ATXN10: variants seen among roughly 807,000 people sequenced by gnomAD.
The protein encoded by ATXN10 is ataxin-10.
Under a neutral mutation model 52.9 loss-of-function variants are expected in ATXN10, and 28 were observed. The observed-to-expected ratio is 0.53, with a 90% CI of 0.39 to 0.73. The LOEUF is 0.73. ATXN10 is among the 30% of genes least tolerant of loss of function. The pLI is 0.00. For missense variants in ATXN10, 565 were observed against 577.0 expected, an observed-to-expected ratio of 0.98 and a Z score of 0.21; for synonymous variants, 226 against 221.5, an observed-to-expected ratio of 1.02 and a Z score of -0.18.
At position 45,755,016 on chromosome 22, in the gene ATXN10, A is replaced by G. The variant is rs531821672; in HGVS notation, c.1173+14478A>G. Reference sequence around the variant, plus strand: ...CAGGACTGACTGGCTGTCTCTCACAAGCCAGCATCCTGGTGCTCAGGAAAG... The same window carrying G: ...CAGGACTGACTGGCTGTCTCTCACAGGCCAGCATCCTGGTGCTCAGGAAAG... On this transcript the variant is annotated intron_variant, in intron 9 of 11. Coordinates refer to ENST00000252934, the MANE Select transcript of ATXN10 (RefSeq NM_013236.4). Among the ~76,000 whole-genome samples, 27 of 152,334 alleles carry G rather than the reference A, an allele frequency of 1.8e-4. No homozygotes were observed. The South Asian group carries it at 5.6e-3, about 32-fold the overall frequency.
Position 45,757,100 on chromosome 22 carries a change from C to T in ATXN10, c.1173+16562C>T, listed in dbSNP as rs76187801. On this transcript the variant is annotated intron_variant, in intron 9 of 11. Coordinates refer to ENST00000252934, the MANE Select transcript of ATXN10 (RefSeq NM_013236.4). The surrounding 1 kb of genome is among the most constrained non-coding windows in gnomAD (Gnocchi z 4.6). Reference sequence around the variant, plus strand: ...GCGGAGGAATGGCTTTGGTCTGCACCTGCAGCTCTGGACGGACTGCCTGGG... The same window carrying T: ...GCGGAGGAATGGCTTTGGTCTGCACTTGCAGCTCTGGACGGACTGCCTGGG... Among the ~76,000 whole-genome samples the T allele has an allele frequency of 0.08, 12,243 of 152,174 alleles. 654 individuals are homozygous for T. The highest frequency in any genetic ancestry group is 0.15 in the Middle Eastern group (45 of 294).
rs994013424 is a variant in ATXN10, at chr22:45,671,920, A to AGCG, written c.-133_-131dup. 25 of 851,200 alleles carry AGCG rather than the reference A, an allele frequency of 2.9e-5. No homozygotes were observed. Among genetic ancestry groups the AGCG allele is most frequent in the Middle Eastern group, 3.0e-4 (1 of 3,386 alleles). 52.7% of individuals were successfully genotyped at this position (851,200 alleles called of 1,614,324 possible). ...GCAGCTTCAGGGCAGCGCGGGCTGC[A>AGCG]GCGGCGGCGGCGGTTAGGGCTGTGT... On this transcript the variant is annotated 5_prime_UTR_variant, in exon 1 of 12. Transcript: ENST00000252934.
In ATXN10 at chr22:45,708,361, G is replaced by A. The variant is rs773315325; in HGVS notation, c.647+5514G>A. On this transcript the variant is annotated intron_variant, in intron 5 of 11. Transcript: ENST00000252934. This position sits in a 1 kb window ranked among gnomAD's most constrained non-coding sequence, Gnocchi z 5.3. The stretch of plus-strand genomic sequence containing the variant: ...CTCGTGCTGATCCTGTGATGTGTTG[G>A]TTGCTTTGTCTGTGTAATCTCATTT... 2.0e-5 allele frequency among the ~76,000 whole-genome samples: 3 copies of A among 152,138 alleles called. No homozygotes were observed. Among genetic ancestry groups the A allele is most frequent in the Non-Finnish European group, 4.4e-5 (3 of 68,020 alleles).
intron 9 of ATXN10, among the ~76,000 whole-genome samples, chr22:45,782,601 A>G (rs923759061): frequency 2.0e-5 from 3 of 152,050 alleles, no homozygotes; most frequent in South Asian, 2.1e-4. Context: ...CAGAATACTA[A>G]CCTCTAGTAG....
chr22:45,687,756 T>C (rs2146735103), intron 1 of ATXN10, among the ~76,000 whole-genome samples: 1 of 152,306 alleles, frequency 6.6e-6, no homozygotes, highest in South Asian at 2.1e-4. Context: ...TCCTTAAAGC[T>C]ACCTTAAGAA....
intron 9 of ATXN10, among the ~76,000 whole-genome samples, chr22:45,799,956 G>T (rs1270809066): frequency 6.6e-6 from 1 of 152,076 alleles, no homozygotes; most frequent in South Asian, 2.1e-4. Context: ...TCCTTATGGA[G>T]TAAAAAAGAA....
intron 9 of ATXN10, among the ~76,000 whole-genome samples, chr22:45,779,722 T>C (rs1046368920): frequency 6.6e-6 from 1 of 152,218 alleles, no homozygotes; most frequent in Admixed American, 6.5e-5. Context: ...TTGCCTTGCA[T>C]GGTTACAGAC....
At position 45,780,851 on chromosome 22, in the gene ATXN10, G is replaced by A. The variant is rs1289817725; in HGVS notation, c.1174-26108G>A. On this transcript the variant is annotated intron_variant, in intron 9 of 11. Coordinates refer to ENST00000252934, the MANE Select transcript of ATXN10 (RefSeq NM_013236.4). The surrounding 1 kb of genome is among the most constrained non-coding windows in gnomAD (Gnocchi z 4.0). ...GTATCTCTCCAGCTAAATACATCCA[G>A]AACCCTGTCATCATATATGAAACAA... Among the ~76,000 whole-genome samples, 2 of 152,136 alleles carry A rather than the reference G, an allele frequency of 1.3e-5. No homozygotes were observed. The highest frequency in any genetic ancestry group is 2.9e-5 in the Non-Finnish European group (2 of 68,024).
intron 5 of ATXN10, among the ~76,000 whole-genome samples, chr22:45,709,134 A>G (rs187895480): frequency 4.9e-4 from 75 of 152,324 alleles, no homozygotes; most frequent in African/African-American, 1.7e-3. Flanking sequence ...GAAGATAAAC[A>G]TAATTGTCCA....
At position 45,833,782 on chromosome 22, in the gene ATXN10, G is replaced by A. The variant is rs941020220; in HGVS notation, c.1238-9209G>A. Among the ~76,000 whole-genome samples the A allele has an allele frequency of 6.6e-6, 1 of 152,146 alleles. No homozygotes were observed. Among genetic ancestry groups the A allele is most frequent in the Non-Finnish European group, 1.5e-5 (1 of 68,030 alleles). Reference sequence around the variant, plus strand: ...CATAGCTCAGAAACGTGCAGTCATAGCAACCCGGAAGAAGAACTGCTCTGC... The same window carrying A: ...CATAGCTCAGAAACGTGCAGTCATAACAACCCGGAAGAAGAACTGCTCTGC... On this transcript the variant is annotated intron_variant, in intron 10 of 11. Coordinates refer to ENST00000252934, the MANE Select transcript of ATXN10 (RefSeq NM_013236.4). The surrounding 1 kb of genome is among the most constrained non-coding windows in gnomAD (Gnocchi z 4.3).
chr22:45,831,726 C>T (rs1167015876), intron 10 of ATXN10, among the ~76,000 whole-genome samples: 1 of 152,272 alleles, frequency 6.6e-6, no homozygotes, highest in African/African-American at 2.4e-5. Context: ...CCTCAACTTT[C>T]TGCCCACAAG....
At chr22:45,675,877 T>C (rs914784527) in intron 1 of ATXN10, 1 of 152,242 alleles carries the variant, frequency 6.6e-6, no homozygotes, top group Non-Finnish European at 1.5e-5. Context: ...AACATATTGC[T>C]TATGGTCATA....
At chr22:45,716,322 T>G (rs1432037283) in intron 5 of ATXN10, among the ~76,000 whole-genome samples, 1 of 149,768 alleles carries the variant, frequency 6.7e-6, no homozygotes, top group African/African-American at 2.5e-5. Context: ...CTTTGAGTGC[T>G]TCCTTTTTTT....
chr22:45,811,889 C>CATA, intron 10 of ATXN10: 1 of 431,508 alleles, frequency 2.3e-6, no homozygotes. Context: ...CACCACCTTG[C>CATA]ATAAGCATGC....
At chr22:45,716,484 C>T (rs778629864) in intron 5 of ATXN10, among the ~76,000 whole-genome samples, 3 of 151,934 alleles carry the variant, frequency 2.0e-5, no homozygotes, top group Non-Finnish European at 4.4e-5. Flanking sequence ...TACAGGCATG[C>T]ACCACCACAT....
rs71190679 is a variant in ATXN10 at position 45,752,565 on chromosome 22, TTGGGGC to T, written c.1173+12054_1173+12059del. Among the ~76,000 whole-genome samples, 119 of 82,578 alleles carry T rather than the reference TTGGGGC, an allele frequency of 1.4e-3. 1 individual carries two copies. Among genetic ancestry groups the T allele is most frequent in the African/African-American group, 4.4e-3 (94 of 21,354 alleles). 54.2% of individuals were successfully genotyped at this position (82,578 alleles called of 152,430 possible). On this transcript the variant is annotated intron_variant, in intron 9 of 11. Coordinates refer to ENST00000252934, the MANE Select transcript of ATXN10 (RefSeq NM_013236.4). ...GTTGGGGTTGGGGTTGGGGTTGGGGTTGGGGCTGGGGCTGGGGCTGGGGCTGGGGCT... is the reference window on the plus strand; with the variant it reads ...GTTGGGGTTGGGGTTGGGGTTGGGGTTGGGGCTGGGGCTGGGGCTGGGGCT...
Position 45,727,158 on chromosome 22 carries a change from T to C in ATXN10, c.729-2267T>C, listed in dbSNP as rs1166128616. ...TGTTATCATTTATTTTGAATAACTT[T>C]TAAATGTCCGTCTTGATTTCATTGT... On this transcript the variant is annotated intron_variant, in intron 6 of 11. Transcript: ENST00000252934. This position sits in a 1 kb window ranked among gnomAD's most constrained non-coding sequence, Gnocchi z 4.6. 6.6e-6 allele frequency among the ~76,000 whole-genome samples: 1 copy of C among 152,236 alleles called. No homozygotes were observed. Among genetic ancestry groups the C allele is most frequent in the African/African-American group, 2.4e-5 (1 of 41,472 alleles).
intron 9 of ATXN10, among the ~76,000 whole-genome samples, chr22:45,755,267 C>T (rs1355651018): frequency 6.6e-6 from 1 of 152,190 alleles, no homozygotes; most frequent in Non-Finnish European, 1.5e-5. Context: ...ATAGGAATTC[C>T]ACTTTTAACT....
At chr22:45,767,791 A>T (rs1926639135) in intron 9 of ATXN10, among the ~76,000 whole-genome samples, 1 of 152,226 alleles carries the variant, frequency 6.6e-6, no homozygotes, top group Non-Finnish European at 1.5e-5. Flanking sequence ...TCGTATTTTG[A>T]CAATGTAATT....
Sources: allele counts gnomAD v4.1 joint callset (sites outside exome capture counted in the v4.1 genomes callset), GRCh38; gene constraint gnomAD v4.1.1; non-coding constraint Gnocchi (gnomAD v3.1); transcripts MANE v1.5; gene names NCBI Gene and HGNC (gene_info 2026-07-23, HGNC 2026-07-21).